The following NRIP3 variants were observed in gnomAD, a reference collection of about 807,000 sequenced individuals.
NRIP3 encodes nuclear receptor-interacting protein 3.
A neutral mutation model predicts 29.0 loss-of-function variants in NRIP3; 31 were observed. The ratio of observed to expected loss-of-function variants is 1.07; its 90% CI spans 0.80 to 1.44. NRIP3 has a LOEUF of 1.44. NRIP3 is among the 40% of genes most tolerant of loss of function. The probability of loss-of-function intolerance (pLI) is 0.00; values close to 1 mark genes in which losing one functional copy is unlikely to be tolerated. For missense variants in NRIP3, 314 were observed against 297.9 expected (o/e 1.05, Z -0.40); for synonymous variants, 131 against 118.3 (o/e 1.11, Z -0.70).
intron 1 of NRIP3, among the ~76,000 whole-genome samples, chr11:8,992,907 G>A (rs892468579): frequency 2.5e-4 from 36 of 141,752 alleles, no homozygotes; most frequent in African/African-American, 8.8e-4. Flanking sequence ...GCGAGACTCC[G>A]TCTCAAAAAA....
chr11:8,985,702 T>G lies in NRIP3; in HGVS notation c.562+9A>C. ...AGGGTCCATAGGTCCAGCCCTCAAT[T>G]CTGCTTACCAACCACAGCTGCTGGG... On this transcript the variant is annotated intron_variant, in intron 4 of 6. Transcript: ENST00000309166. 6.2e-7 allele frequency: 1 copy of G among 1,613,288 alleles called. No homozygotes were observed. The highest frequency in any genetic ancestry group is 8.5e-7 in the Non-Finnish European group (1 of 1,179,862).
intron 1 of NRIP3, among the ~76,000 whole-genome samples, chr11:9,002,336 A>G (rs1467982059): frequency 6.6e-6 from 1 of 152,168 alleles, no homozygotes; most frequent in Non-Finnish European, 1.5e-5. Context: ...AGAAGGGAAA[A>G]GAGAGTTATC....
At chr11:9,000,097 T>G (rs1178100498) in intron 1 of NRIP3, among the ~76,000 whole-genome samples, 2 of 152,200 alleles carry the variant, frequency 1.3e-5, no homozygotes, top group Non-Finnish European at 2.9e-5. Flanking sequence ...CAATAAATAT[T>G]TGTATATTAA....
rs371859422 is a variant in NRIP3 at position 8,983,979 on chromosome 11, G to C, written c.616-10C>G. ...CCAAGTTTATGATGCACTGAAAACA[G>C]GTAACTTGTCAGTGATACCACTATG... On this transcript the variant is annotated splice_polypyrimidine_tract_variant and intron_variant, in intron 5 of 6. Transcript: ENST00000309166. 1.2e-6 allele frequency: 2 copies of C among 1,612,306 alleles called. No individual in the cohort carries two copies. Among genetic ancestry groups the C allele is most frequent in the Non-Finnish European group, 1.7e-6 (2 of 1,178,362 alleles).
rs200136214 is a variant in NRIP3, at chr11:8,985,780, C to G, written c.493G>C (p.Val165Leu). Residue 165 changes from valine (V) to leucine (L), a missense_variant, in exon 4 of 7, where the codon GTG becomes CTG. Physicochemically the swap from Val to Leu is conservative, Grantham distance 32 (BLOSUM62 1). Coordinates refer to ENST00000309166, the MANE Select transcript of NRIP3 (RefSeq NM_020645.3). The stretch of plus-strand genomic sequence containing the variant: ...ATCACTAGGTGCTCAATCTGGCCCA[C>G]TACTTTGAGATGCCGGGGTAGAGAA... ...KLSLPRHLKV[V>L]GQIEHLVITL... The G allele has an allele frequency of 6.2e-7, 1 of 1,614,156 alleles. No individual in the cohort carries two copies. The highest frequency in any genetic ancestry group is 1.3e-5 in the African/African-American group (1 of 75,026).
chr11:8,988,041 C>G, intron 2 of NRIP3, 77 bp downstream of exon 2: 2 of 1,400,648 alleles, frequency 1.4e-6, no homozygotes, highest in Non-Finnish European at 2.0e-6. Flanking sequence ...GAGACCCACA[C>G]TCTATAAAGT....
chr11:8,987,752 G>T (rs1426146966), intron 2 of NRIP3, 122 bp from the exon 3 acceptor site: 1 of 772,610 alleles, frequency 1.3e-6, no homozygotes, highest in Non-Finnish European at 2.3e-6. Flanking sequence ...CCAATTATGG[G>T]TTATAGTGTC....
intron 1 of NRIP3, among the ~76,000 whole-genome samples, chr11:8,993,936 TAA>T (rs1026057640): frequency 6.6e-6 from 1 of 152,132 alleles, no homozygotes; most frequent in Non-Finnish European, 1.5e-5. Context: ...TTTAAATTTT[TAA>T]AAGTTTTAAA....
intron 1 of NRIP3, among the ~76,000 whole-genome samples, chr11:8,992,766 T>C (rs1854629331): frequency 1.3e-5 from 2 of 151,818 alleles, no homozygotes; most frequent in Non-Finnish European, 2.9e-5. Context: ...ATACAAAAAT[T>C]AGCCGGGCGT....
intron 6 of NRIP3, 24 bp from the exon 7 acceptor site, chr11:8,983,584 G>T (rs937660780): frequency 1.2e-6 from 2 of 1,611,010 alleles, no homozygotes; most frequent in Admixed American, 1.7e-5. Flanking sequence ...TAAATATCAG[G>T]AGAAATAATG....
chr11:8,986,849 T>C (rs948373146), intron 3 of NRIP3, among the ~76,000 whole-genome samples: 1 of 152,010 alleles, frequency 6.6e-6, no homozygotes, highest in Non-Finnish European at 1.5e-5. Context: ...CAAAACCCCC[T>C]CTCTACAAAA....
At chr11:8,992,640 G>A (rs1488951839) in intron 1 of NRIP3, among the ~76,000 whole-genome samples, 2 of 152,188 alleles carry the variant, frequency 1.3e-5, no homozygotes, top group Non-Finnish European at 2.9e-5. Context: ...GCCGGGCGCA[G>A]TGGCTCACGT....
chr11:8,990,684 A>G lies in NRIP3; in HGVS notation c.175-2402T>C, dbSNP rs187737090. ...GCATGCACCTTTAATCCCAGCTACT[A>G]GAGAGGGTGAGACAGGAGAATTGCT... On this transcript the variant is annotated intron_variant, in intron 1 of 6. Transcript: ENST00000309166. 3.1e-3 allele frequency among the ~76,000 whole-genome samples: 465 copies of G among 152,186 alleles called. 1 individual carries two copies. Among genetic ancestry groups the G allele is most frequent in the African/African-American group, 0.011 (444 of 41,512 alleles).
chr11:9,002,280 T>TGA (rs1483862113), intron 1 of NRIP3, among the ~76,000 whole-genome samples: 1 of 152,160 alleles, frequency 6.6e-6, no homozygotes, highest in African/African-American at 2.4e-5. Context: ...AAAGAATACT[T>TGA]CTCGAACCTG....
chr11:8,988,347 A>G (rs754148096), intron 1 of NRIP3, 65 bp from the exon 2 acceptor site: 42 of 1,359,876 alleles, frequency 3.1e-5, no homozygotes, highest in Non-Finnish European at 4.0e-5. Flanking sequence ...ATTGTCCCCC[A>G]GGTGCCATAA....
intron 1 of NRIP3, among the ~76,000 whole-genome samples, chr11:8,994,050 T>G (rs563625854): frequency 6.6e-5 from 10 of 152,144 alleles, no homozygotes; most frequent in Admixed American, 3.3e-4. Flanking sequence ...AATGGAGATT[T>G]ATTTTTCTCA....
At chr11:8,985,312 G>A (rs1854499436) in intron 4 of NRIP3, among the ~76,000 whole-genome samples, 1 of 151,876 alleles carries the variant, frequency 6.6e-6, no homozygotes. Flanking sequence ...TGGGACTACA[G>A]GCGCCCACCA....
chr11:8,988,498 C>T (rs1854552119), intron 1 of NRIP3, among the ~76,000 whole-genome samples: 1 of 152,154 alleles, frequency 6.6e-6, no homozygotes, highest in South Asian at 2.1e-4. Flanking sequence ...AATGAAAATG[C>T]AAGATATGAC....
intron 2 of NRIP3, 113 bp downstream of exon 2, chr11:8,988,005 T>A: frequency 9.8e-7 from 1 of 1,022,616 alleles, no homozygotes; most frequent in Non-Finnish European, 1.5e-6. Context: ...GGAGTGCCCC[T>A]TTTAAAACTC....
Sources: gnomAD v4.1 joint callset for allele counts (sites outside exome capture counted in the v4.1 genomes callset) on GRCh38, gnomAD v4.1.1 for gene constraint, MANE v1.5 for transcripts, NCBI Gene and HGNC (gene_info 2026-07-23, HGNC 2026-07-21) for gene names.